Variants in LOXHD1 observed in about 807,000 individuals in gnomAD.
LOXHD1 encodes lipoxygenase homology PLAT domains 1.
LOXHD1 carries 205 observed loss-of-function variants against 248.2 expected under a neutral mutation model. That is an observed-to-expected ratio of 0.83 (90% CI 0.74 to 0.93). LOXHD1 has a LOEUF of 0.93. Ranked by LOEUF, LOXHD1 falls within the 40% of genes least tolerant of loss-of-function variation. The probability of loss-of-function intolerance (pLI) is 0.00; values close to 1 mark genes in which losing one functional copy is unlikely to be tolerated. For synonymous variants in LOXHD1, 1,113 were observed against 1,162.8 expected (o/e 0.96, Z 0.87); for missense variants, 2,930 against 2,971.6 (o/e 0.99, Z 0.33).
At chr18:46,509,610 CT>C in intron 35 of LOXHD1, 87 bp downstream of exon 35, 1 of 956,424 alleles carries the variant, frequency 1.0e-6, no homozygotes, top group East Asian at 2.6e-5. Context: ...GACATTTGTG[CT>C]TTAACAAGGT....
chr18:46,639,506 G>T, intron 4 of LOXHD1, 110 bp downstream of exon 4: 3 of 1,307,054 alleles, frequency 2.3e-6, no homozygotes, highest in Non-Finnish European at 3.1e-6. Context: ...CTGGAGGCAT[G>T]CCAAGATGAG....
At chr18:46,479,264 G>A (rs995091792) in intron 40 of LOXHD1, among the ~76,000 whole-genome samples, 3 of 149,780 alleles carry the variant, frequency 2.0e-5, no homozygotes, top group Non-Finnish European at 4.5e-5. Context: ...GTGTGTGTGT[G>A]TGTTCATGGA....
chr18:46,521,507 T>C (rs1278110521), intron 32 of LOXHD1, among the ~76,000 whole-genome samples: 1 of 152,120 alleles, frequency 6.6e-6, no homozygotes. Context: ...AAAGCATATC[T>C]AGATGTCAGA....
intron 19 of LOXHD1, 108 bp downstream of exon 19, chr18:46,559,975 T>G: frequency 8.4e-7 from 1 of 1,192,624 alleles, no homozygotes; most frequent in Non-Finnish European, 1.2e-6. Flanking sequence ...TGCCCACCTA[T>G]TTGGCCTCCA....
At chr18:46,588,231 G>A (rs1458025742) in intron 12 of LOXHD1, among the ~76,000 whole-genome samples, 1 of 151,950 alleles carries the variant, frequency 6.6e-6, no homozygotes, top group Non-Finnish European at 1.5e-5. Flanking sequence ...AAATGTTTGT[G>A]GGCCATAAAG....
rs1378900379 is a variant in LOXHD1 at position 46,657,070 on chromosome 18, C to G, written c.-37G>C. ...CCTTCTCCCAGCGCTCGCAGGCTCA[C>G]TGTGCCGCCTCCTCACACCTGCGGG... On this transcript the variant is annotated 5_prime_UTR_variant, in exon 1 of 41. Transcript: ENST00000642948. The G allele has an allele frequency of 3.9e-6, 6 of 1,551,260 alleles. No homozygotes were observed. Among genetic ancestry groups the G allele is most frequent in the Non-Finnish European group, 8.7e-7 (1 of 1,146,824 alleles).
rs547335982 is a variant in LOXHD1, at chr18:46,657,144, C to T, written c.-111G>A. ...TCTGGCGCCCACGGCCCTCCTATAG[C>T]TCAGGCCTGGGTGGGCCAGAGTGCC... On this transcript the variant is annotated 5_prime_UTR_variant, in exon 1 of 41. Transcript: ENST00000642948. 65 of 1,522,446 alleles carry T rather than the reference C, an allele frequency of 4.3e-5. 1 individual carries two copies. In the South Asian group the frequency reaches 7.4e-4, roughly 17 times the overall value. The allele number at this position is 1,522,446 out of a possible 1,614,324, so 94.3% of individuals were successfully genotyped here.
intron 2 of LOXHD1, among the ~76,000 whole-genome samples, chr18:46,648,469 C>T (rs1254270336): frequency 6.6e-6 from 1 of 152,160 alleles, no homozygotes; most frequent in Non-Finnish European, 1.5e-5. Context: ...TTCCATTCAG[C>T]ACAGTTTGAA....
chr18:46,535,058 C>G (rs1392720732), intron 26 of LOXHD1, among the ~76,000 whole-genome samples: 1 of 152,202 alleles, frequency 6.6e-6, no homozygotes, highest in East Asian at 1.9e-4. Flanking sequence ...CAGGAAAGCC[C>G]TTAACCTCCC....
chr18:46,505,837 C>T lies in LOXHD1; in HGVS notation c.5878+1G>A. 6.4e-7 allele frequency: 1 copy of T among 1,551,636 alleles called. No individual in the cohort carries two copies. Among genetic ancestry groups the T allele is most frequent in the Non-Finnish European group, 8.7e-7 (1 of 1,146,964 alleles). On this transcript the variant is annotated splice_donor_variant, in intron 37 of 40. Coordinates refer to ENST00000642948, the MANE Select transcript of LOXHD1 (RefSeq NM_001384474.1). LOFTEE classifies it high-confidence loss of function. ...CCAACCTGGCCTTGAGTGGGAGCTA[C>T]CTTTGTTGTCGTGCCAGACCCTCAG...
intron 6 of LOXHD1, among the ~76,000 whole-genome samples, chr18:46,607,718 A>G (rs2038439297): frequency 6.6e-6 from 1 of 152,084 alleles, no homozygotes; most frequent in Admixed American, 6.6e-5. Context: ...CTCAGTGTGG[A>G]ACAGCAAATC....
intron 23 of LOXHD1, chr18:46,545,015 T>G: frequency 1.3e-5 from 6 of 470,546 alleles, no homozygotes; most frequent in Non-Finnish European, 2.1e-5. Flanking sequence ...ATGCCTGGAG[T>G]GCCTCATACT....
Position 46,632,743 on chromosome 18 carries a change from G to A in LOXHD1, c.511+6873C>T, listed in dbSNP as rs375233031. ...ATAAATGCGGATATGCTGGAAAAGC[G>A]GTTGCCAGCCTTCCACAGGCCCCAG... On this transcript the variant is annotated intron_variant, in intron 4 of 40. Coordinates refer to ENST00000642948, the MANE Select transcript of LOXHD1 (RefSeq NM_001384474.1). 1.1e-4 allele frequency among the ~76,000 whole-genome samples: 16 copies of A among 152,308 alleles called. 1 individual carries two copies. The East Asian group carries it at 1.5e-3, about 15-fold the overall frequency.
rs2037889550 is a variant in LOXHD1, at chr18:46,577,871, G to T, written c.1810-4C>A. The T allele has an allele frequency of 3.2e-6, 5 of 1,551,486 alleles. No homozygotes were observed. Among genetic ancestry groups the T allele is most frequent in the African/African-American group, 1.4e-5 (1 of 73,006 alleles). On this transcript the variant is annotated splice_region_variant and splice_polypyrimidine_tract_variant and intron_variant, in intron 13 of 40. Coordinates refer to ENST00000642948, the MANE Select transcript of LOXHD1 (RefSeq NM_001384474.1). ...ACTCGATAGTGAACTCGTCAGCCTTGTGGGGGGAAACCACAAGGCCAGTTA... is the reference window on the plus strand; with the variant it reads ...ACTCGATAGTGAACTCGTCAGCCTTTTGGGGGGAAACCACAAGGCCAGTTA...
rs1046426117 is a variant in LOXHD1, at chr18:46,593,503, T to C, written c.1431+97A>G. On this transcript the variant is annotated intron_variant, in intron 10 of 40. Coordinates refer to ENST00000642948, the MANE Select transcript of LOXHD1 (RefSeq NM_001384474.1). The stretch of plus-strand genomic sequence containing the variant: ...CATCGTACATTTTTGTCTTCAAACT[T>C]GGTCCAAAACCTGGCTTAGAGAACC... 7 of 1,385,026 alleles carry C rather than the reference T, an allele frequency of 5.1e-6. No individual in the cohort carries two copies. In the African/African-American group the frequency reaches 1.0e-4, roughly 20 times the overall value. The allele number at this position is 1,385,026 out of a possible 1,614,324, so 85.8% of individuals were successfully genotyped here. A position where few individuals can be genotyped will look rare whatever the true frequency, so the allele number is the denominator to read the frequency against.
intron 2 of LOXHD1, among the ~76,000 whole-genome samples, chr18:46,648,272 C>T (rs561940630): frequency 6.6e-6 from 1 of 151,958 alleles, no homozygotes; most frequent in East Asian, 1.9e-4. Context: ...CAAAACAAAA[C>T]AAAAACAAAA....
intron 14 of LOXHD1, among the ~76,000 whole-genome samples, chr18:46,573,302 G>A (rs1008578522): frequency 7.2e-5 from 11 of 152,114 alleles, no homozygotes; most frequent in African/African-American, 2.7e-4. Context: ...AAAGGTATGG[G>A]GCAATTTACC....
intron 37 of LOXHD1, among the ~76,000 whole-genome samples, chr18:46,503,345 T>C (rs2034353337): frequency 6.6e-6 from 1 of 152,198 alleles, no homozygotes; most frequent in African/African-American, 2.4e-5. Flanking sequence ...CCCACACCCA[T>C]GCCTGCCACC....
intron 17 of LOXHD1, 30 bp downstream of exon 17, chr18:46,566,227 T>G (rs1209910609): frequency 2.6e-6 from 4 of 1,526,498 alleles, no homozygotes; most frequent in Non-Finnish European, 3.5e-6. Context: ...TGGGAAACAA[T>G]GGGTGGTCCC....
Sources: allele counts gnomAD v4.1 joint callset (sites outside exome capture counted in the v4.1 genomes callset), GRCh38; gene constraint gnomAD v4.1.1; transcripts MANE v1.5; gene names NCBI Gene and HGNC (gene_info 2026-07-23, HGNC 2026-07-21).